AGMAT: variants seen among roughly 807,000 people sequenced by gnomAD.
AGMAT encodes guanidino acid hydrolase, mitochondrial.
AGMAT carries 37 observed loss-of-function variants against 29.3 expected under a neutral mutation model. That is an observed-to-expected ratio of 1.26 (90% CI 0.97 to 1.66). AGMAT has a LOEUF of 1.66. Among genes scored for constraint, AGMAT ranks in the 40% most tolerant of loss-of-function variants. The pLI, the probability that AGMAT is intolerant of heterozygous loss-of-function variation, is 0.00. For synonymous variants in AGMAT, 199 were observed against 200.8 expected, an observed-to-expected ratio of 0.99 and a Z score of 0.08; for missense variants, 498 against 497.8, an observed-to-expected ratio of 1.00 and a Z score of 0.00.
At chr1:15,580,555 C>T (rs982799477) in intron 2 of AGMAT, among the ~76,000 whole-genome samples, 1 of 151,944 alleles carries the variant, frequency 6.6e-6, no homozygotes. Context: ...GAGTTATAAC[C>T]ACAGCTACAG....
chr1:15,575,953 C>G (rs1356078263), intron 5 of AGMAT: 1 of 151,958 alleles, frequency 6.6e-6, no homozygotes, highest in East Asian at 1.9e-4. Flanking sequence ...GATGGGATCT[C>G]ACTATGTTGC....
At chr1:15,576,707 C>T (rs1258444611) in intron 5 of AGMAT, among the ~76,000 whole-genome samples, 13 of 141,664 alleles carry the variant, frequency 9.2e-5, no homozygotes, top group Admixed American at 1.5e-4. Context: ...GGATTCCAGG[C>T]GTGAGCCACG....
chr1:15,579,049 C>G lies in AGMAT; in HGVS notation c.530G>C (p.Gly177Ala). ...PILQAMAKKH[G>A]PVGLLHVDAH... ...ATCCACGTGCAGCAGCCCCACTGGG[C>G]CATGCCTGATGACAACAGGGCAGCT... The change falls in exon 4 of 7, where the codon GGC becomes GCC. Residue 177 changes from glycine (G) to alanine (A), a missense_variant. Transcript: ENST00000375826. The G allele has an allele frequency of 6.2e-7, 1 of 1,613,776 alleles. No homozygotes were observed. Among genetic ancestry groups the G allele is most frequent in the Non-Finnish European group, 8.5e-7 (1 of 1,179,908 alleles).
intron 5 of AGMAT, among the ~76,000 whole-genome samples, chr1:15,576,421 TTTGGTTGG>T (rs374630855): frequency 6.7e-6 from 1 of 149,732 alleles, no homozygotes; most frequent in Non-Finnish European, 1.5e-5. Context: ...AGTGTTTTTG[TTTGGTTGG>T]TTGGTTGGTT....
At chr1:15,577,651 AC>A in intron 5 of AGMAT, 33 bp downstream of exon 5, 1 of 1,581,638 alleles carries the variant, frequency 6.3e-7, no homozygotes, top group Non-Finnish European at 8.6e-7. Context: ...AAGTGTCTCC[AC>A]CCCCAGGATC....
At chr1:15,581,633 G>T (rs1421804752) in intron 2 of AGMAT, among the ~76,000 whole-genome samples, 2 of 91,034 alleles carry the variant, frequency 2.2e-5, no homozygotes, top group East Asian at 6.3e-4. Context: ...CCAGCATTTT[G>T]GGAAGCTGAG....
intron 5 of AGMAT, among the ~76,000 whole-genome samples, chr1:15,576,916 A>AT (rs1478465528): frequency 1.4e-5 from 2 of 147,564 alleles, no homozygotes; most frequent in African/African-American, 2.5e-5. Flanking sequence ...CGCCCGGCTA[A>AT]TTTTTTTGTA....
rs772726449 is a variant in AGMAT, at chr1:15,577,875, A to T, written c.721-11T>A. 1 of 1,610,260 alleles carries T rather than the reference A, an allele frequency of 6.2e-7. No individual in the cohort carries two copies. Among genetic ancestry groups the T allele is most frequent in the Non-Finnish European group, 8.5e-7 (1 of 1,177,260 alleles). ...GACTACCCGGAAGCCCTGCAGAGAC[A>T]GGGACTGAGGTTTCTGTCTGGCAGC... On this transcript the variant is annotated splice_polypyrimidine_tract_variant and intron_variant, in intron 4 of 6. Coordinates refer to ENST00000375826, the MANE Select transcript of AGMAT (RefSeq NM_024758.5).
intron 1 of AGMAT, 124 bp downstream of exon 1, chr1:15,584,572 A>T: frequency 1.2e-5 from 13 of 1,067,108 alleles, no homozygotes; most frequent in Non-Finnish European, 1.6e-5. Flanking sequence ...GGCATTTTGG[A>T]GCCGGCCACC....
intron 3 of AGMAT, among the ~76,000 whole-genome samples, chr1:15,579,377 G>C (rs1448480726): frequency 6.6e-6 from 1 of 152,118 alleles, no homozygotes; most frequent in African/African-American, 2.4e-5. Context: ...ACTAAACCAA[G>C]ACACACCCTT....
At chr1:15,574,481 C>T (rs942858125) in intron 6 of AGMAT, among the ~76,000 whole-genome samples, 4 of 151,508 alleles carry the variant, frequency 2.6e-5, no homozygotes, top group East Asian at 1.9e-4. Flanking sequence ...AGGTTCTAAG[C>T]GATTCTCCTG....
At chr1:15,580,068 C>T (rs1378385660) in intron 3 of AGMAT, 26 bp downstream of exon 3, 4 of 1,610,716 alleles carry the variant, frequency 2.5e-6, no homozygotes, top group Non-Finnish European at 3.4e-6. Context: ...TGAAATCTTG[C>T]TGGGCCCAAG....
In AGMAT at chr1:15,573,240, C is replaced by G; in HGVS notation, c.*411G>C. On this transcript the variant is annotated 3_prime_UTR_variant, in exon 7 of 7. Transcript: ENST00000375826. ...TGCCATTGCACTCCAGCCTGGGTGACAAGCAAAACTCTATCTCAAAAAAAA... is the reference window on the plus strand; with the variant it reads ...TGCCATTGCACTCCAGCCTGGGTGAGAAGCAAAACTCTATCTCAAAAAAAA... The G allele has an allele frequency of 6.6e-6, 1 of 152,424 alleles. No individual in the cohort carries two copies. Among genetic ancestry groups the G allele is most frequent in the Non-Finnish European group, 1.4e-5 (1 of 69,842 alleles). The allele number at this position is 152,424 out of a possible 1,614,324, so 9.4% of individuals were successfully genotyped here. A position where few individuals can be genotyped will look rare whatever the true frequency, so the allele number is the denominator to read the frequency against.
At position 15,571,767 on chromosome 1, in the gene AGMAT, T is replaced by C. The variant is rs745605365; in HGVS notation, c.*1884A>G. 6.6e-6 allele frequency: 1 copy of C among 152,238 alleles called. No individual in the cohort carries two copies. Among genetic ancestry groups the C allele is most frequent in the African/African-American group, 2.4e-5 (1 of 41,462 alleles). 9.4% of individuals were successfully genotyped at this position (152,238 alleles called of 1,614,324 possible). On this transcript the variant is annotated 3_prime_UTR_variant, in exon 7 of 7. Transcript: ENST00000375826. ...TAGCCCTTGCATTGCAAGATGATGA[T>C]TTGATTATGGACACATTATCAACAG...
In AGMAT at chr1:15,585,049, T is replaced by C. The variant is rs1639169567; in HGVS notation, c.-82A>G. The C allele has an allele frequency of 4.8e-6, 6 of 1,253,036 alleles. No individual in the cohort carries two copies. The highest frequency in any genetic ancestry group is 1.6e-5 in the African/African-American group (1 of 63,686). 77.6% of individuals were successfully genotyped at this position (1,253,036 alleles called of 1,614,324 possible). A position where few individuals can be genotyped will look rare whatever the true frequency, so the allele number is the denominator to read the frequency against. ...GGCTGGTCCCGAACGGCGAGGCGAG[T>C]GTGCACGCGCCAGAGCCGGAACCCG... On this transcript the variant is annotated 5_prime_UTR_variant, in exon 1 of 7. Coordinates refer to ENST00000375826, the MANE Select transcript of AGMAT (RefSeq NM_024758.5).
At position 15,572,808 on chromosome 1, in the gene AGMAT, GGA is replaced by G. The variant is rs1638976136; in HGVS notation, c.*841_*842del. The G allele has an allele frequency of 6.7e-6, 1 of 149,038 alleles. No homozygotes were observed. The highest frequency in any genetic ancestry group is 1.5e-5 in the Non-Finnish European group (1 of 67,918). 9.2% of individuals were successfully genotyped at this position (149,038 alleles called of 1,614,324 possible). On this transcript the variant is annotated 3_prime_UTR_variant, in exon 7 of 7. Transcript: ENST00000375826. ...AAGATGCAGCCCTAAGCACCTCATA[GGA>G]GAAGCTGTATTTTTTTTTTTTTTTT...
In AGMAT at chr1:15,579,066, A is replaced by T. The variant is rs1639078785; in HGVS notation, c.525-12T>A. On this transcript the variant is annotated splice_polypyrimidine_tract_variant and intron_variant, in intron 3 of 6. Coordinates refer to ENST00000375826, the MANE Select transcript of AGMAT (RefSeq NM_024758.5). ...CCACTGGGCCATGCCTGATGACAAC[A>T]GGGCAGCTCAGAGGCCAACCCTCCC... is the stretch of plus-strand genomic sequence containing the variant. 1 of 1,612,354 alleles carries T rather than the reference A, an allele frequency of 6.2e-7. No homozygotes were observed. Among genetic ancestry groups the T allele is most frequent in the African/African-American group, 1.3e-5 (1 of 75,016 alleles).
At chr1:15,583,500 T>C in intron 1 of AGMAT, 105 bp from the exon 2 acceptor site, 2 of 1,094,786 alleles carry the variant, frequency 1.8e-6, no homozygotes, top group Non-Finnish European at 2.6e-6. Flanking sequence ...GATGATTCCG[T>C]GTCGCGGCAT....
chr1:15,582,985 G>C (rs10803394), intron 2 of AGMAT, among the ~76,000 whole-genome samples: 46,127 of 152,038 alleles, frequency 0.3, 7,410 homozygotes, highest in East Asian at 0.56. Context: ...GTAACAGAGT[G>C]AGACTGTCTC....
Sources: gnomAD v4.1 joint callset for allele counts (sites outside exome capture counted in the v4.1 genomes callset) on GRCh38, gnomAD v4.1.1 for gene constraint, MANE v1.5 for transcripts, NCBI Gene and HGNC (gene_info 2026-07-23, HGNC 2026-07-21) for gene names.